The following PTPN22 variants were observed in gnomAD, a reference collection of about 807,000 sequenced individuals.
PTPN22 encodes the protein tyrosine-protein phosphatase non-receptor type 22.
A neutral mutation model predicts 103.3 loss-of-function variants in PTPN22; 85 were observed. The ratio of observed to expected loss-of-function variants is 0.82; its 90% CI spans 0.69 to 0.99. The LOEUF (loss-of-function observed/expected upper bound fraction) is 0.99, where lower values mean the gene tolerates loss of function less well. PTPN22 is among the 50% of genes least tolerant of loss of function. The pLI, the probability that PTPN22 is intolerant of heterozygous loss-of-function variation, is 0.00. For synonymous variants in PTPN22, 323 were observed against 310.2 expected, an observed-to-expected ratio of 1.04 and a Z score of -0.43; for missense variants, 865 against 936.9, an observed-to-expected ratio of 0.92 and a Z score of 1.00.
At chr1:113,862,051 C>A (rs1665659959) in intron 1 of PTPN22, among the ~76,000 whole-genome samples, 1 of 151,896 alleles carries the variant, frequency 6.6e-6, no homozygotes, top group Non-Finnish European at 1.5e-5. Flanking sequence ...GATGCCGAGG[C>A]AGGCAGATCA....
At chr1:113,834,945 C>G in exon 14 of PTPN22, 1 of 1,580,932 alleles carries the variant, frequency 6.3e-7, no homozygotes, top group Admixed American at 1.9e-5. Context: ...TTCAGGTGTC[C>G]ATACAGGAAG....
chr1:113,866,714 C>A (rs1470186990), intron 1 of PTPN22, among the ~76,000 whole-genome samples: 1 of 152,036 alleles, frequency 6.6e-6, no homozygotes, highest in Non-Finnish European at 1.5e-5. Context: ...CATAAATGGA[C>A]AAGAACTAGA....
At chr1:113,838,185 A>G (rs1393916843) in exon 13 of PTPN22, 1 of 1,614,138 alleles carries the variant, frequency 6.2e-7, no homozygotes, top group Non-Finnish European at 8.5e-7. Flanking sequence ...GAGGCTCCCC[A>G]ACTATTGGAA....
intron 1 of PTPN22, among the ~76,000 whole-genome samples, chr1:113,868,373 A>G (rs1341919313): frequency 6.6e-6 from 1 of 152,212 alleles, no homozygotes; most frequent in Non-Finnish European, 1.5e-5. Flanking sequence ...AACCTCGGAA[A>G]CATAAAATCC....
chr1:113,829,783 T>G, intron 17 of PTPN22, 76 bp from the exon 18 acceptor site: 2 of 1,243,144 alleles, frequency 1.6e-6, no homozygotes, highest in Non-Finnish European at 2.3e-6. Flanking sequence ...TAATAAATTG[T>G]TAGCTTGGCT....
At chr1:113,864,913 A>G (rs1421643220) in intron 1 of PTPN22, among the ~76,000 whole-genome samples, 3 of 144,958 alleles carry the variant, frequency 2.1e-5, no homozygotes, top group African/African-American at 4.9e-5. Flanking sequence ...CTCCGTCTCA[A>G]AAAAAAAAAA....
At chr1:113,859,959 C>CTTT (rs35810164) in intron 1 of PTPN22, among the ~76,000 whole-genome samples, 14 of 114,802 alleles carry the variant, frequency 1.2e-4, no homozygotes, top group East Asian at 4.7e-4. Context: ...AAAGCAGTCA[C>CTTT]TTTTTTTTTT....
At chr1:113,871,712 T>C (rs534561545) in exon 1 of PTPN22, 34 of 1,115,248 alleles carry the variant, frequency 3.0e-5, no homozygotes, top group Admixed American at 3.0e-4. Context: ...AAAAAGCCAC[T>C]GCTGCCGCCT....
chr1:113,871,723 G>A (rs1460362642), upstream of PTPN22: 4 of 997,256 alleles, frequency 4.0e-6, no homozygotes, highest in Non-Finnish European at 6.3e-6. Context: ...GCTGCCGCCT[G>A]AGCAGAGCAT....
At chr1:113,861,515 C>G (rs1261400078) in intron 1 of PTPN22, among the ~76,000 whole-genome samples, 3 of 151,980 alleles carry the variant, frequency 2.0e-5, no homozygotes, top group African/African-American at 7.2e-5. Context: ...GGTGGGATTA[C>G]AGTCGTGAGC....
At chr1:113,850,272 G>A (rs532580695) in intron 10 of PTPN22, among the ~76,000 whole-genome samples, 592 of 131,870 alleles carry the variant, frequency 4.5e-3, no homozygotes, top group African/African-American at 0.017. Flanking sequence ...AAGGAAGGAA[G>A]GAAAGAAAGG....
At chr1:113,862,738 G>A (rs976524404) in intron 1 of PTPN22, among the ~76,000 whole-genome samples, 7 of 152,116 alleles carry the variant, frequency 4.6e-5, no homozygotes, top group Admixed American at 2.0e-4. Flanking sequence ...TGGCTGTCTC[G>A]AGAACTCTGC....
At chr1:113,837,684 T>C in exon 13 of PTPN22, 4 of 1,602,054 alleles carry the variant, frequency 2.5e-6, no homozygotes, top group Non-Finnish European at 3.4e-6. Flanking sequence ...AGAAGAGGGA[T>C]GTAGAGGATG....
intron 18 of PTPN22, among the ~76,000 whole-genome samples, chr1:113,827,738 G>A (rs546493853): frequency 6.6e-6 from 1 of 152,220 alleles, no homozygotes; most frequent in East Asian, 1.9e-4. Context: ...GGGAGGCCAA[G>A]GCAGGAGGAT....
At chr1:113,829,006 CT>C (rs1662319344) in intron 18 of PTPN22, 1 of 152,002 alleles carries the variant, frequency 6.6e-6, no homozygotes, top group African/African-American at 2.4e-5. Flanking sequence ...CATTGCTTTT[CT>C]TTTTATTTAT....
chr1:113,831,977 CTTAT>C, intron 16 of PTPN22, among the ~76,000 whole-genome samples: 1 of 152,182 alleles, frequency 6.6e-6, no homozygotes, highest in East Asian at 1.9e-4. Context: ...TTAATGAGGA[CTTAT>C]TTGACAAGTA....
Position 113,858,564 on chromosome 1 carries a change from C to A in PTPN22, c.283G>T (p.Gly95Ter). The A allele has an allele frequency of 6.3e-7, 1 of 1,581,564 alleles. No homozygotes were observed. Among genetic ancestry groups the A allele is most frequent in the Non-Finnish European group, 8.6e-7 (1 of 1,157,266 alleles). Reference sequence around the variant, plus strand: ...TGGGTGGCAATATAAGCCTTGGGTCCATAAACTCCCTAAAGGGGAACAGAA... The same window carrying A: ...TGGGTGGCAATATAAGCCTTGGGTCAATAAACTCCCTAAAGGGGAACAGAA... Residue 95 changes from glycine (G) to a stop codon, truncating the protein, a stop_gained, in exon 4 of 21, where the codon GGA becomes TGA. Coordinates refer to ENST00000359785, the Ensembl canonical transcript of PTPN22. LOFTEE classifies it high-confidence loss of function.
At chr1:113,864,149 T>A (rs1357477538) in intron 1 of PTPN22, 1 of 371,972 alleles carries the variant, frequency 2.7e-6, no homozygotes, top group Admixed American at 3.6e-5. Context: ...AAAACTGAAA[T>A]TGTGGTAAGT....
intron 12 of PTPN22, 52 bp from the exon 13 acceptor site, chr1:113,838,459 TC>T (rs1327243307): frequency 1.3e-6 from 2 of 1,588,528 alleles, no homozygotes; most frequent in African/African-American, 2.7e-5. Flanking sequence ...ACAGGCCGCT[TC>T]CTAGCATCAC....
Sources: allele counts gnomAD v4.1 joint callset (sites outside exome capture counted in the v4.1 genomes callset), GRCh38; gene constraint gnomAD v4.1.1; transcripts MANE v1.5; gene names NCBI Gene and HGNC (gene_info 2026-07-23, HGNC 2026-07-21).